Variants in BBS9 observed in about 807,000 individuals in gnomAD.
BBS9 encodes the protein Bardet-Biedl syndrome 9.
In BBS9, 89 loss-of-function variants were observed where a neutral mutation model predicts 117.7. The ratio of observed to expected loss-of-function variants is 0.76; its 90% confidence interval spans 0.64 to 0.90. The LOEUF is 0.90. Ranked by LOEUF, BBS9 falls within the 40% of genes least tolerant of loss-of-function variation. BBS9 has a pLI of 0.00. For synonymous variants in BBS9, 379 were observed against 370.9 expected (o/e 1.02, Z -0.25); for missense variants, 982 against 1,042.2 (o/e 0.94, Z 0.80).
intron 7 of BBS9, among the ~76,000 whole-genome samples, chr7:33,272,750 G>A (rs1800023891): frequency 6.6e-6 from 1 of 152,046 alleles, no homozygotes; most frequent in African/African-American, 2.4e-5. Context: ...TTTTAGGGAA[G>A]CAGATAAGTG....
chr7:33,577,693 A>G (rs546468472), intron 21 of BBS9, among the ~76,000 whole-genome samples: 1 of 152,324 alleles, frequency 6.6e-6, no homozygotes, highest in East Asian at 1.9e-4. Flanking sequence ...AAAATGTGGC[A>G]CATATACACC....
intron 21 of BBS9, among the ~76,000 whole-genome samples, chr7:33,616,166 T>G (rs1306600509): frequency 6.6e-6 from 1 of 150,472 alleles, no homozygotes; most frequent in East Asian, 1.9e-4. Flanking sequence ...TTTATTAGTT[T>G]TGATTGATCT....
At chr7:33,378,101 C>T (rs1018178015) in intron 17 of BBS9, among the ~76,000 whole-genome samples, 5 of 152,172 alleles carry the variant, frequency 3.3e-5, no homozygotes, top group East Asian at 1.9e-4. Context: ...TATCCACTGA[C>T]GTCACCTTCT....
chr7:33,202,069 A>G (rs1298685747), intron 5 of BBS9, among the ~76,000 whole-genome samples: 3 of 152,156 alleles, frequency 2.0e-5, no homozygotes, highest in African/African-American at 7.2e-5. Context: ...ACATTTGGGT[A>G]TGTGGTAGGC....
chr7:33,154,582 C>T (rs958108961), intron 3 of BBS9, among the ~76,000 whole-genome samples: 7 of 152,174 alleles, frequency 4.6e-5, no homozygotes, highest in African/African-American at 1.7e-4. Context: ...TCTCCTGCCT[C>T]AGCCTCCCAA....
chr7:33,601,652 G>A (rs1585439210), intron 21 of BBS9, among the ~76,000 whole-genome samples: 2 of 152,128 alleles, frequency 1.3e-5, no homozygotes, highest in Admixed American at 6.5e-5. Flanking sequence ...TTCGGCTGGT[G>A]TGATCTCATT....
chr7:33,476,908 CA>C (rs1841882454), intron 19 of BBS9, among the ~76,000 whole-genome samples: 1 of 152,040 alleles, frequency 6.6e-6, no homozygotes, highest in Admixed American at 6.6e-5. Flanking sequence ...GGCTTGATAT[CA>C]GATATCTTGT....
intron 21 of BBS9, among the ~76,000 whole-genome samples, chr7:33,624,739 C>G (rs1865561921): frequency 1.3e-5 from 2 of 152,056 alleles, no homozygotes; most frequent in African/African-American, 2.4e-5. Flanking sequence ...ATTGATTATC[C>G]AAACTGTAAC....
At chr7:33,616,170 T>C (rs1234852641) in intron 21 of BBS9, among the ~76,000 whole-genome samples, 1 of 150,262 alleles carries the variant, frequency 6.7e-6, no homozygotes, top group Non-Finnish European at 1.5e-5. Flanking sequence ...TTAGTTTTGA[T>C]TGATCTAACA....
chr7:33,356,784 T>C (rs1224885617), intron 15 of BBS9, among the ~76,000 whole-genome samples: 4 of 151,836 alleles, frequency 2.6e-5, no homozygotes, highest in African/African-American at 9.7e-5. Flanking sequence ...TTTGGGATCA[T>C]GTCTCCAAAC....
intron 5 of BBS9, among the ~76,000 whole-genome samples, chr7:33,227,494 G>T (rs1256437237): frequency 1.3e-5 from 2 of 151,998 alleles, no homozygotes; most frequent in African/African-American, 4.8e-5. Flanking sequence ...CTTTGGGAAT[G>T]GGTGGTTTTT....
chr7:33,352,343 G>T (rs1240786564), intron 14 of BBS9, among the ~76,000 whole-genome samples: 3 of 152,120 alleles, frequency 2.0e-5, no homozygotes, highest in Non-Finnish European at 4.4e-5. Flanking sequence ...ATTGGTATTG[G>T]TTGAAAGTGA....
chr7:33,480,670 G>C (rs889012005), intron 19 of BBS9, among the ~76,000 whole-genome samples: 4 of 152,160 alleles, frequency 2.6e-5, no homozygotes, highest in African/African-American at 9.7e-5. Flanking sequence ...GGCAGGGCTG[G>C]TGTGTATATT....
chr7:33,373,337 A>T (rs1333116496), intron 17 of BBS9, among the ~76,000 whole-genome samples: 1 of 152,186 alleles, frequency 6.6e-6, no homozygotes, highest in African/African-American at 2.4e-5. Flanking sequence ...GATTGGAGGG[A>T]GTTTTCAACT....
At chr7:33,299,088 G>C (rs1323391862) in intron 9 of BBS9, among the ~76,000 whole-genome samples, 1 of 152,178 alleles carries the variant, frequency 6.6e-6, no homozygotes, top group Non-Finnish European at 1.5e-5. Context: ...GTGGGCAGCA[G>C]CTGCAGTTGT....
chr7:33,330,629 G>C (rs1295104821), intron 9 of BBS9, among the ~76,000 whole-genome samples: 4 of 152,042 alleles, frequency 2.6e-5, no homozygotes, highest in Non-Finnish European at 5.9e-5. Context: ...TTGTTTTAAT[G>C]TGTTGTTAAG....
At chr7:33,562,121 T>A (rs1162592582) in intron 21 of BBS9, among the ~76,000 whole-genome samples, 1 of 152,216 alleles carries the variant, frequency 6.6e-6, no homozygotes, top group Non-Finnish European at 1.5e-5. Flanking sequence ...AATTGAAGAT[T>A]GTATTAATGA....
rs13243834 is a variant in BBS9 at position 33,225,623 on chromosome 7, A to G, written c.443-31613A>G. On this transcript the variant is annotated intron_variant, in intron 5 of 22. Coordinates refer to ENST00000242067, the MANE Select transcript of BBS9 (RefSeq NM_198428.3). ...TTTGTTAGCTTTCTTGCTTCGTATT[A>G]TGAGATGTTCCTGCCTCATCTTTTA... Among the ~76,000 whole-genome samples the G allele has an allele frequency of 5.5e-3, 836 of 151,262 alleles. 3 individuals are homozygous for G. Among genetic ancestry groups the G allele is most frequent in the Non-Finnish European group, 8.7e-3 (590 of 67,894 alleles).
chr7:33,142,782 C>T (rs75886321), intron 1 of BBS9, among the ~76,000 whole-genome samples: 1,531 of 152,212 alleles, frequency 0.01, 29 homozygotes, highest in African/African-American at 0.035. Flanking sequence ...GCATAATATT[C>T]CATTGTATGG....
Sources: allele counts gnomAD v4.1 joint callset (sites outside exome capture counted in the v4.1 genomes callset), GRCh38; gene constraint gnomAD v4.1.1; transcripts MANE v1.5; gene names NCBI Gene and HGNC (gene_info 2026-07-23, HGNC 2026-07-21).